Variants in NAALADL2 observed in about 807,000 individuals in gnomAD.
NAALADL2 encodes the protein inactive N-acetylated-alpha-linked acidic dipeptidase-like protein 2.
NAALADL2 carries 76 observed loss-of-function variants against 87.2 expected under a neutral mutation model. The ratio of observed to expected loss-of-function variants is 0.87; its 90% CI spans 0.72 to 1.05. NAALADL2 has a LOEUF of 1.05. Among genes scored for constraint, NAALADL2 ranks in the 50% least tolerant of loss-of-function variants. NAALADL2 has a pLI of 0.00. For synonymous variants in NAALADL2, 354 were observed against 331.0 expected, an observed-to-expected ratio of 1.07 and a Z score of -0.75; for missense variants, 1,089 against 945.8, an observed-to-expected ratio of 1.15 and a Z score of -1.99.
chr3:174,986,186 A>G (rs1745841573), intron 1 of NAALADL2, among the ~76,000 whole-genome samples: 1 of 150,724 alleles, frequency 6.6e-6, no homozygotes, highest in African/African-American at 2.4e-5. Context: ...GATTACATGT[A>G]GATTACTATT....
intron 2 of NAALADL2, among the ~76,000 whole-genome samples, chr3:175,160,334 A>G (rs1732964961): frequency 7.6e-6 from 1 of 132,226 alleles, no homozygotes; most frequent in African/African-American, 2.7e-5. Context: ...TTTTAAAAAT[A>G]TATATTATAT....
intron 1 of NAALADL2, among the ~76,000 whole-genome samples, chr3:174,988,915 T>C (rs940875371): frequency 6.6e-6 from 1 of 152,162 alleles, no homozygotes; most frequent in East Asian, 1.9e-4. Context: ...GAAAAGAGAT[T>C]TATTTGGCTC....
At chr3:175,549,929 G>A (rs1714056618) in intron 9 of NAALADL2, among the ~76,000 whole-genome samples, 1 of 151,996 alleles carries the variant, frequency 6.6e-6, no homozygotes, top group East Asian at 1.9e-4. Context: ...TTATGTCTCT[G>A]CAGTGGCTTT....
At chr3:175,327,166 TTTTTTC>T (rs1760825916) in intron 5 of NAALADL2, among the ~76,000 whole-genome samples, 1 of 143,194 alleles carries the variant, frequency 7.0e-6, no homozygotes, top group Admixed American at 6.9e-5. Context: ...TTTTTTTTTT[TTTTTTC>T]TGAGATGGAG....
chr3:175,053,766 A>G (rs942409714), intron 1 of NAALADL2, among the ~76,000 whole-genome samples: 7 of 152,240 alleles, frequency 4.6e-5, no homozygotes, highest in African/African-American at 1.7e-4. Context: ...TGAGGAATGT[A>G]CCATTTGGCA....
chr3:174,447,352 A>G (rs992949467), intron 1 of NAALADL2, among the ~76,000 whole-genome samples: 1 of 152,080 alleles, frequency 6.6e-6, no homozygotes, highest in Non-Finnish European at 1.5e-5. Flanking sequence ...TAACTGGGGT[A>G]CTCTGAGCTT....
intron 10 of NAALADL2, among the ~76,000 whole-genome samples, chr3:175,610,046 C>G (rs961857879): frequency 1.3e-5 from 2 of 151,988 alleles, no homozygotes; most frequent in Non-Finnish European, 2.9e-5. Context: ...AATATCAATT[C>G]TAAATTTAAA....
rs182267422 is a variant in NAALADL2 at position 175,618,051 on chromosome 3, A to T, written c.1801-9240A>T. 8.5e-4 allele frequency among the ~76,000 whole-genome samples: 129 copies of T among 152,242 alleles called. No individual in the cohort carries two copies. The Middle Eastern group carries it at 0.017, about 20-fold the overall frequency. ...ATATGAGATAAAAAACTCATCCCCA[A>T]ACTTCTCTGCTGCTTGCAGGGCAAC... On this transcript the variant is annotated intron_variant, in intron 10 of 13. Coordinates refer to ENST00000454872, the MANE Select transcript of NAALADL2 (RefSeq NM_207015.3).
intron 1 of NAALADL2, among the ~76,000 whole-genome samples, chr3:174,955,629 A>C (rs545973591): frequency 6.6e-6 from 1 of 152,260 alleles, no homozygotes; most frequent in East Asian, 1.9e-4. Flanking sequence ...AGGATTAAAT[A>C]GTATTAAAGT....
intron 6 of NAALADL2, among the ~76,000 whole-genome samples, chr3:175,456,647 A>G (rs1443643369): frequency 2.0e-5 from 3 of 152,106 alleles, no homozygotes; most frequent in Admixed American, 2.0e-4. Context: ...CATAGTGAAT[A>G]TCTCTGACTT....
chr3:174,514,959 G>A (rs1274452483), intron 1 of NAALADL2, among the ~76,000 whole-genome samples: 2 of 151,994 alleles, frequency 1.3e-5, no homozygotes, highest in African/African-American at 4.8e-5. Flanking sequence ...CCTAGTTGAG[G>A]TCATAGAATA....
chr3:175,599,587 A>G (rs1352269738), intron 10 of NAALADL2, among the ~76,000 whole-genome samples: 1 of 152,054 alleles, frequency 6.6e-6, no homozygotes, highest in Non-Finnish European at 1.5e-5. Context: ...ACTCTAAGTT[A>G]TATTCTATTT....
chr3:175,341,501 T>C (rs996451114), intron 5 of NAALADL2, among the ~76,000 whole-genome samples: 6 of 152,170 alleles, frequency 3.9e-5, no homozygotes, highest in African/African-American at 1.4e-4. Flanking sequence ...ATTATGCTTC[T>C]GATTCTCTTG....
intron 3 of NAALADL2, among the ~76,000 whole-genome samples, chr3:174,751,824 C>G (rs936029420): frequency 5.9e-5 from 9 of 151,620 alleles, no homozygotes; most frequent in Non-Finnish European, 1.2e-4. Context: ...CTATGCTATT[C>G]ATAAGTGATA....
At chr3:174,852,587 C>T (rs967867069) in intron 3 of NAALADL2, among the ~76,000 whole-genome samples, 4 of 152,044 alleles carry the variant, frequency 2.6e-5, no homozygotes, top group African/African-American at 7.2e-5. Context: ...TGGAAAGATA[C>T]TCCATGTTTA....
intron 2 of NAALADL2, among the ~76,000 whole-genome samples, chr3:175,196,851 T>A (rs1239953818): frequency 6.6e-6 from 1 of 151,926 alleles, no homozygotes; most frequent in Non-Finnish European, 1.5e-5. Flanking sequence ...CGATCTAGGG[T>A]ACATATCAAG....
intron 2 of NAALADL2, among the ~76,000 whole-genome samples, chr3:174,639,374 G>T (rs1017246512): frequency 6.6e-6 from 1 of 152,296 alleles, no homozygotes; most frequent in Non-Finnish European, 1.5e-5. Context: ...AGGGGTGTAT[G>T]GGAGCTGTTT....
chr3:174,615,172 G>T lies in NAALADL2; in HGVS notation c.-115+64535G>T, dbSNP rs1720333450. On this transcript the variant is annotated intron_variant, in intron 2 of 3. Transcript: ENST00000434257. ...AGTGGACTCAGAAAGGCTTGCACAG[G>T]CCCAGCTGCATTTTAAATGTGGAAG... 2.6e-5 allele frequency among the ~76,000 whole-genome samples: 4 copies of T among 152,284 alleles called. No individual in the cohort carries two copies. In the Middle Eastern group the frequency reaches 0.01, roughly 388 times the overall value.
intron 1 of NAALADL2, among the ~76,000 whole-genome samples, chr3:174,907,323 G>T (rs1733098519): frequency 6.6e-6 from 1 of 152,062 alleles, no homozygotes; most frequent in African/African-American, 2.4e-5. Context: ...GCTGTTGCTT[G>T]AACTGAGATC....
Sources: allele counts gnomAD v4.1 joint callset (sites outside exome capture counted in the v4.1 genomes callset), GRCh38; gene constraint gnomAD v4.1.1; transcripts MANE v1.5; gene names NCBI Gene and HGNC (gene_info 2026-07-23, HGNC 2026-07-21).